KDM5B: variants seen among roughly 807,000 people sequenced by gnomAD.
KDM5B encodes lysine-specific demethylase 5B.
In KDM5B, 144 loss-of-function variants were observed where a neutral mutation model predicts 193.4. The observed-to-expected ratio is 0.74, with a 90% confidence interval of 0.65 to 0.86. KDM5B has a LOEUF of 0.86. KDM5B is among the 40% of genes least tolerant of loss of function. The probability of loss-of-function intolerance (pLI) is 0.00; values close to 1 mark genes in which losing one functional copy is unlikely to be tolerated. For synonymous variants in KDM5B, 668 were observed against 682.6 expected (o/e 0.98, Z 0.33); for missense variants, 1,833 against 1,886.9 (o/e 0.97, Z 0.53).
chr1:202,730,040 T>C lies in KDM5B; in HGVS notation c.4177-13A>G, dbSNP rs376256118. 9.6e-5 allele frequency: 152 copies of C among 1,590,706 alleles called. No individual in the cohort carries two copies. Among genetic ancestry groups the C allele is most frequent in the African/African-American group, 1.8e-4 (13 of 73,510 alleles). On this transcript the variant is annotated splice_polypyrimidine_tract_variant and intron_variant, in intron 25 of 26. Coordinates refer to ENST00000367265, the MANE Select transcript of KDM5B (RefSeq NM_006618.5). ...GGCAACAGTCATTCTGGGTGGAAGATAGGAAAGTTCAATTTTCGCCTATGG... is the reference window on the plus strand; with the variant it reads ...GGCAACAGTCATTCTGGGTGGAAGACAGGAAAGTTCAATTTTCGCCTATGG...
intron 5 of KDM5B, among the ~76,000 whole-genome samples, chr1:202,764,496 A>G (rs1376724192): frequency 6.6e-6 from 1 of 152,074 alleles, no homozygotes; most frequent in Non-Finnish European, 1.5e-5. Context: ...GTAGCCGGGC[A>G]TGGTGGCACG....
intron 1 of KDM5B, among the ~76,000 whole-genome samples, chr1:202,801,196 T>A (rs1386882051): frequency 1.3e-5 from 2 of 152,300 alleles, no homozygotes; most frequent in East Asian, 3.9e-4. Flanking sequence ...TTTTTTAATT[T>A]ACTCCCTGAA....
At chr1:202,735,729 G>C in intron 21 of KDM5B, 142 bp from the exon 22 acceptor site, 1 of 703,756 alleles carries the variant, frequency 1.4e-6, no homozygotes, top group Non-Finnish European at 2.4e-6. Flanking sequence ...ATGCAACCCT[G>C]AGGCTCTCCT....
intron 13 of KDM5B, among the ~76,000 whole-genome samples, chr1:202,749,910 T>A (rs1655725225): frequency 6.6e-6 from 1 of 152,214 alleles, no homozygotes; most frequent in African/African-American, 2.4e-5. Context: ...TCTAGAACTT[T>A]TTAGGTAAAT....
At chr1:202,805,229 G>A (rs939569251) in intron 1 of KDM5B, among the ~76,000 whole-genome samples, 1 of 152,176 alleles carries the variant, frequency 6.6e-6, no homozygotes, top group African/African-American at 2.4e-5. Context: ...CTACATAGTT[G>A]ATATAATTTG....
chr1:202,773,840 C>T (rs1656822826), intron 3 of KDM5B, among the ~76,000 whole-genome samples: 2 of 151,718 alleles, frequency 1.3e-5, no homozygotes, highest in African/African-American at 2.4e-5. Flanking sequence ...TGGATTCAGG[C>T]GATTTTCCTG....
chr1:202,751,708 T>C (rs1318766256), intron 12 of KDM5B, among the ~76,000 whole-genome samples: 1 of 152,200 alleles, frequency 6.6e-6, no homozygotes, highest in Non-Finnish European at 1.5e-5. Context: ...TTGTATTATC[T>C]GTATAAACAT....
At chr1:202,762,968 C>T (rs897580208) in intron 6 of KDM5B, among the ~76,000 whole-genome samples, 160 bp from the exon 7 acceptor site, 1 of 152,164 alleles carries the variant, frequency 6.6e-6, no homozygotes, top group African/African-American at 2.4e-5. Flanking sequence ...GGCTCAAATG[C>T]TGATTACTTT....
Position 202,729,738 on chromosome 1 carries a change from G to C in KDM5B, c.4466C>G (p.Ala1489Gly). ...TCCTTCTGGCTGCAGGCAGCTCACA[G>C]CTGGGCAGATGGCATCTTCATCCTC... is the stretch of plus-strand genomic sequence containing the variant. ...DSEDEDAICP[A>G]VSCLQPEGDE... Residue 1489 changes from alanine (A) to glycine (G), a missense_variant, in exon 26 of 27, where the codon GCT becomes GGT. This residue lies in a region of KDM5B where 1,379 missense variants were observed against 1,349.6 expected (regional missense o/e 1.02). Coordinates refer to ENST00000367265, the MANE Select transcript of KDM5B (RefSeq NM_006618.5). 1 of 1,614,048 alleles carries C rather than the reference G, an allele frequency of 6.2e-7. No individual in the cohort carries two copies. Among genetic ancestry groups the C allele is most frequent in the Non-Finnish European group, 8.5e-7 (1 of 1,179,944 alleles).
chr1:202,748,887 A>C, intron 14 of KDM5B, 58 bp downstream of exon 14: 1 of 1,436,044 alleles, frequency 7.0e-7, no homozygotes, highest in Non-Finnish European at 9.5e-7. Flanking sequence ...AAAGTGCGTA[A>C]AAATTTTACT....
At chr1:202,764,318 A>G (rs1656362438) in intron 5 of KDM5B, among the ~76,000 whole-genome samples, 173 bp from the exon 6 acceptor site, 1 of 152,120 alleles carries the variant, frequency 6.6e-6, no homozygotes, top group Non-Finnish European at 1.5e-5. Flanking sequence ...AACTACTATT[A>G]AAGCATGAAT....
At chr1:202,774,929 A>T (rs971229719) in intron 2 of KDM5B, among the ~76,000 whole-genome samples, 194 bp from the exon 3 acceptor site, 1 of 152,110 alleles carries the variant, frequency 6.6e-6, no homozygotes, top group Non-Finnish European at 1.5e-5. Flanking sequence ...AAATACACAA[A>T]ATAAAGCTGG....
intron 1 of KDM5B, among the ~76,000 whole-genome samples, chr1:202,802,387 T>G (rs1054475868): frequency 6.6e-6 from 1 of 151,762 alleles, no homozygotes; most frequent in Non-Finnish European, 1.5e-5. Context: ...GTTGTTGTTG[T>G]TTGTTGTTGT....
At chr1:202,779,812 T>G in intron 1 of KDM5B, among the ~76,000 whole-genome samples, 1 of 51,220 alleles carries the variant, frequency 2.0e-5, no homozygotes, top group Non-Finnish European at 6.2e-5. Context: ...CAAAAATAAA[T>G]AAATAAATAA....
At chr1:202,807,281 CAGA>C (rs1658336229) in intron 1 of KDM5B, 1 of 152,408 alleles carries the variant, frequency 6.6e-6, no homozygotes, top group African/African-American at 2.4e-5. Flanking sequence ...GCGGCTGAGC[CAGA>C]AGAAGCCGGG....
rs772536045 is a variant in KDM5B, at chr1:202,733,783, A to G, written c.3527T>C (p.Ile1176Thr). Residue 1176 changes from isoleucine (I) to threonine (T), a missense_variant, in exon 23 of 27, where the codon ATA (isoleucine) becomes ACA (threonine). Coordinates refer to ENST00000367265, the MANE Select transcript of KDM5B (RefSeq NM_006618.5). ...KLLSPLQDVD[I>T]KICLCQKAPA... ...GGCCTTCTGACATAGGCAGATTTTT[A>G]TATCCACATCTTGGAGAGGCGACAG... is the stretch of plus-strand genomic sequence containing the variant. 2 of 1,614,010 alleles carry G rather than the reference A, an allele frequency of 1.2e-6. No individual in the cohort carries two copies. The highest frequency in any genetic ancestry group is 2.7e-5 in the African/African-American group (2 of 74,908).
intron 8 of KDM5B, among the ~76,000 whole-genome samples, chr1:202,759,107 T>G (rs1428469335): frequency 5.3e-5 from 8 of 152,214 alleles, no homozygotes; most frequent in Non-Finnish European, 1.0e-4. Context: ...TTGATGGAGA[T>G]ATCCTTATGT....
At chr1:202,732,042 G>GTA in intron 23 of KDM5B, 103 bp from the exon 24 acceptor site, 1 of 379,024 alleles carries the variant, frequency 2.6e-6, no homozygotes, top group Non-Finnish European at 4.7e-6. Context: ...GCAACCAGGG[G>GTA]AAAAAAAAAA....
intron 18 of KDM5B, 51 bp from the exon 19 acceptor site, chr1:202,741,773 G>A (rs1202003037): frequency 4.8e-6 from 5 of 1,043,198 alleles, no homozygotes; most frequent in Middle Eastern, 2.1e-4. Context: ...TTCAGTAATT[G>A]GCTTCTTTCA....
Sources: gnomAD v4.1 joint callset for allele counts (sites outside exome capture counted in the v4.1 genomes callset) on GRCh38, gnomAD v4.1.1 for gene constraint, gnomAD v4.1.1 regional missense constraint, MANE v1.5 for transcripts, NCBI Gene and HGNC (gene_info 2026-07-23, HGNC 2026-07-21) for gene names.